Variants in CD99 observed in about 807,000 individuals in gnomAD.
The protein encoded by CD99 is CD99 antigen.
CD99 carries 19 observed loss-of-function variants against 28.4 expected under a neutral mutation model. That is an observed-to-expected ratio of 0.67 (90% CI 0.47 to 0.98). The LOEUF (loss-of-function observed/expected upper bound fraction) is 0.98, where lower values mean the gene tolerates loss of function less well. Ranked by LOEUF, CD99 falls within the 50% of genes least tolerant of loss-of-function variation. CD99 has a pLI of 0.00. For synonymous variants in CD99, 103 were observed against 92.1 expected (o/e 1.12, Z -0.67); for missense variants, 283 against 248.8 (o/e 1.14, Z -0.92).
intron 8 of CD99, 134 bp downstream of exon 8, chrX:2,726,507 A>G: frequency 4.2e-6 from 3 of 713,900 alleles, no homozygotes; most frequent in Non-Finnish European, 7.7e-6. Context: ...TGAAACTGCT[A>G]AAATTCTGGA....
chrX:2,734,859 T>C (rs2049858801), intron 8 of CD99, among the ~76,000 whole-genome samples: 1 of 151,994 alleles, frequency 6.6e-6, no homozygotes, highest in South Asian at 2.1e-4. Flanking sequence ...TGCCCTCTTG[T>C]GGAAATGAGG....
chrX:2,691,364 G>T lies in CD99; in HGVS notation c.4G>T (p.Ala2Ser), dbSNP rs769447472. 5.2e-4 allele frequency: 810 copies of T among 1,570,686 alleles called. No homozygotes were observed. The highest frequency in any genetic ancestry group is 6.6e-4 in the Non-Finnish European group (766 of 1,168,618). M[A>S]RGAALALLLF... ...CCCTGCGCGCTCTGGGCGCACCATG[G>T]CCCGCGGGGCTGCGCTGGCGCTGCT... is the stretch of plus-strand genomic sequence containing the variant. The change falls in exon 1 of 10, where the codon GCC becomes TCC. Residue 2 changes from alanine to serine, a missense_variant. Coordinates refer to ENST00000381192, the MANE Select transcript of CD99 (RefSeq NM_002414.5).
At position 2,691,344 on chromosome X, in the gene CD99, C is replaced by G. The variant is rs780763483; in HGVS notation, c.-17C>G. The stretch of plus-strand genomic sequence containing the variant: ...GCCCTGCACTCCGGGACCGTCCCTG[C>G]GCGCTCTGGGCGCACCATGGCCCGC... On this transcript the variant is annotated 5_prime_UTR_variant, in exon 1 of 10. Coordinates refer to ENST00000381192, the MANE Select transcript of CD99 (RefSeq NM_002414.5). The G allele has an allele frequency of 7.7e-6, 12 of 1,553,574 alleles. No individual in the cohort carries two copies. The East Asian group carries it at 2.4e-4, about 31-fold the overall frequency.
intron 1 of CD99, among the ~76,000 whole-genome samples, chrX:2,697,976 A>G (rs1418329487): frequency 6.6e-6 from 1 of 151,698 alleles, no homozygotes; most frequent in African/African-American, 2.4e-5. Context: ...CGAGGTGGCA[A>G]TGAAGGTAGA....
intron 1 of CD99, among the ~76,000 whole-genome samples, chrX:2,696,654 C>T (rs1345218643): frequency 6.6e-6 from 1 of 152,256 alleles, no homozygotes; most frequent in African/African-American, 2.4e-5. Context: ...CCGCCCGCCT[C>T]GGCCTCCTAA....
At chrX:2,732,570 TC>T in intron 8 of CD99, among the ~76,000 whole-genome samples, 2 of 140,432 alleles carry the variant, frequency 1.4e-5, no homozygotes, top group African/African-American at 5.3e-5. Flanking sequence ...TCCCTCTCTC[TC>T]TCTTTTCATT....
chrX:2,707,486 A>G (rs1031662130), intron 1 of CD99, among the ~76,000 whole-genome samples: 123 of 152,034 alleles, frequency 8.1e-4, no homozygotes, highest in African/African-American at 2.7e-3. Flanking sequence ...CGGGGACTTC[A>G]CTCTGGGTTC....
chrX:2,713,131 TACAC>T (rs59024224), intron 1 of CD99, among the ~76,000 whole-genome samples: 56,295 of 151,096 alleles, frequency 0.37, 11,931 homozygotes, highest in African/African-American at 0.59. Context: ...CGCCTACACA[TACAC>T]ACACAAACCC....
At chrX:2,692,279 T>C (rs1333287717) in intron 1 of CD99, 3 of 254,212 alleles carry the variant, frequency 1.2e-5, no homozygotes, top group Non-Finnish European at 2.3e-5. Context: ...TCAGTGCATT[T>C]TTTGCTCTTC....
chrX:2,694,535 A>G (rs1223595543), intron 1 of CD99, among the ~76,000 whole-genome samples: 1 of 151,986 alleles, frequency 6.6e-6, no homozygotes, highest in Non-Finnish European at 1.5e-5. Flanking sequence ...GGTGGGTCAC[A>G]TGAGGCCAAG....
At chrX:2,713,818 A>G (rs1423404748) in intron 1 of CD99, among the ~76,000 whole-genome samples, 1 of 152,094 alleles carries the variant, frequency 6.6e-6, no homozygotes, top group South Asian at 2.1e-4. Flanking sequence ...GACTTTTCCA[A>G]ATTTTCCTGA....
intron 3 of CD99, 157 bp from the exon 4 acceptor site, chrX:2,719,504 A>G: frequency 2.9e-6 from 2 of 691,968 alleles, no homozygotes; most frequent in Middle Eastern, 3.0e-4. Flanking sequence ...AAAAATGGTC[A>G]GGAATTCACT....
At chrX:2,700,355 AT>A (rs1426938640) in intron 1 of CD99, among the ~76,000 whole-genome samples, 1 of 151,998 alleles carries the variant, frequency 6.6e-6, no homozygotes, top group Non-Finnish European at 1.5e-5. Flanking sequence ...CCTTCCATCC[AT>A]TTATCCATCC....
intron 2 of CD99, 119 bp from the exon 3 acceptor site, chrX:2,717,486 C>T (rs2124031780): frequency 1.2e-6 from 1 of 829,074 alleles, no homozygotes; most frequent in Non-Finnish European, 2.0e-6. Context: ...TGAGAAAAAA[C>T]AATGCTAAAA....
rs1053252415 is a variant in CD99, at chrX:2,723,384, G to A, written c.361+20G>A. The A allele has an allele frequency of 1.2e-6, 2 of 1,613,630 alleles. No homozygotes were observed. Among genetic ancestry groups the A allele is most frequent in the East Asian group, 2.2e-5 (1 of 44,878 alleles). ...AAGAGGGTAGGTGCACCTGGCTTCT[G>A]TCTTCTTGTCTCTCCCACGTGGTGT... is the stretch of plus-strand genomic sequence containing the variant. On this transcript the variant is annotated intron_variant, in intron 7 of 9. Transcript: ENST00000381192.
chrX:2,711,146 C>G (rs765571494), intron 1 of CD99, among the ~76,000 whole-genome samples: 49 of 150,302 alleles, frequency 3.3e-4, no homozygotes, highest in African/African-American at 1.0e-3. Flanking sequence ...GCTGAGATTA[C>G]AGGTGTGAGC....
intron 8 of CD99, among the ~76,000 whole-genome samples, chrX:2,736,701 C>CA (rs1321162150): frequency 1.3e-5 from 2 of 151,592 alleles, no homozygotes; most frequent in East Asian, 1.9e-4. Flanking sequence ...ACTAAAAATA[C>CA]AAAAAATTAG....
At chrX:2,692,122 C>A (rs2047340472) in intron 1 of CD99, 1 of 591,790 alleles carries the variant, frequency 1.7e-6, no homozygotes, top group African/African-American at 1.9e-5. Flanking sequence ...CCACGGTCAC[C>A]CTCCCACGCC....
At chrX:2,692,111 G>C in intron 1 of CD99, 1 of 595,390 alleles carries the variant, frequency 1.7e-6, no homozygotes, top group South Asian at 2.1e-5. Flanking sequence ...GGAAGAAAGA[G>C]CCACGGTCAC....
Sources: gnomAD v4.1 joint callset for allele counts (sites outside exome capture counted in the v4.1 genomes callset) on GRCh38, gnomAD v4.1.1 for gene constraint, MANE v1.5 for transcripts, NCBI Gene and HGNC (gene_info 2026-07-23, HGNC 2026-07-21) for gene names.